CCDC171: variants seen among roughly 807,000 people sequenced by gnomAD.
CCDC171 encodes the protein coiled-coil domain containing 171.
CCDC171 carries 177 observed loss-of-function variants against 168.2 expected under a neutral mutation model. That is an observed-to-expected ratio of 1.05 (90% CI 0.93 to 1.19). The LOEUF is 1.19. Ranked by LOEUF, CCDC171 falls within the 50% of genes most tolerant of loss-of-function variation. The probability of loss-of-function intolerance (pLI) is 0.00; values close to 1 mark genes in which losing one functional copy is unlikely to be tolerated. For synonymous variants in CCDC171, 687 were observed against 540.8 expected (o/e 1.27, Z -3.75); for missense variants, 1,991 against 1,539.0 (o/e 1.29, Z -4.91).
In CCDC171 at chr9:15,779,168, A is replaced by T; in HGVS notation, c.3081+18A>T. On this transcript the variant is annotated intron_variant, in intron 20 of 25. Coordinates refer to ENST00000380701, the MANE Select transcript of CCDC171 (RefSeq NM_173550.4). ...AGCAGTCTGTAAGTATATATCATTT[A>T]GGAAACTGTTGCTTTGCTGATATAT... The T allele has an allele frequency of 5.6e-6, 8 of 1,416,930 alleles. No homozygotes were observed. Among genetic ancestry groups the T allele is most frequent in the Non-Finnish European group, 6.6e-6 (7 of 1,066,178 alleles). The allele number at this position is 1,416,930 out of a possible 1,614,324, so 87.8% of individuals were successfully genotyped here.
intron 24 of CCDC171, among the ~76,000 whole-genome samples, chr9:15,908,161 A>G (rs1177834350): frequency 2.0e-5 from 3 of 151,914 alleles, no homozygotes; most frequent in Admixed American, 2.0e-4. Flanking sequence ...CTGGGTATAT[A>G]CCCAAAGGAC....
chr9:15,879,125 TA>T (rs1228330047), intron 24 of CCDC171, among the ~76,000 whole-genome samples: 1 of 151,946 alleles, frequency 6.6e-6, no homozygotes, highest in Non-Finnish European at 1.5e-5. Context: ...AAATAAAAGT[TA>T]AAAAAAATCA....
intron 4 of CCDC171, chr9:15,588,625 A>G: frequency 3.5e-6 from 1 of 281,700 alleles, no homozygotes; most frequent in Non-Finnish European, 7.4e-6. Context: ...AAATGTGTGC[A>G]TTTTTGATAA....
At chr9:15,717,444 G>A (rs1178056766) in intron 11 of CCDC171, among the ~76,000 whole-genome samples, 1 of 152,192 alleles carries the variant, frequency 6.6e-6, no homozygotes, top group Non-Finnish European at 1.5e-5. Flanking sequence ...TCCTAGTGCT[G>A]TGCTGGGCTC....
chr9:16,041,092 G>T (rs1017689574), upstream of CCDC171, among the ~76,000 whole-genome samples: 2 of 152,188 alleles, frequency 1.3e-5, no homozygotes, highest in Admixed American at 1.3e-4. Flanking sequence ...GACAAGGAAA[G>T]ATGTTTAATG....
chr9:15,754,633 A>G (rs10810440), intron 18 of CCDC171, among the ~76,000 whole-genome samples: 69,702 of 151,996 alleles, frequency 0.46, 16,313 homozygotes, highest in Non-Finnish European at 0.5. Context: ...AGGGTTAAGC[A>G]GGAATTCTGC....
intron 3 of CCDC171, among the ~76,000 whole-genome samples, chr9:15,989,517 G>C (rs114749408): frequency 0.076 from 11,619 of 151,978 alleles, 1,462 homozygotes; most frequent in African/African-American, 0.27. Flanking sequence ...AAAATCCGAG[G>C]GCCTCTCCCC....
At chr9:15,714,560 T>C (rs2052931032) in intron 11 of CCDC171, among the ~76,000 whole-genome samples, 1 of 145,330 alleles carries the variant, frequency 6.9e-6, no homozygotes, top group Non-Finnish European at 1.5e-5. Flanking sequence ...AGATCCAGTG[T>C]CCAGTTATCC....
intron 2 of CCDC171, among the ~76,000 whole-genome samples, chr9:15,568,370 A>G (rs1481185328): frequency 6.9e-6 from 1 of 144,510 alleles, no homozygotes; most frequent in Non-Finnish European, 1.5e-5. Flanking sequence ...TCCCGGGCTT[A>G]GGCCATTCTC....
chr9:15,970,883 A>T (rs550426338), intron 25 of CCDC171, among the ~76,000 whole-genome samples: 1 of 152,300 alleles, frequency 6.6e-6, no homozygotes, highest in Admixed American at 6.5e-5. Flanking sequence ...GGGTTGAAGA[A>T]CTACCAGTCG....
intron 11 of CCDC171, among the ~76,000 whole-genome samples, chr9:15,700,530 A>C (rs2051641441): frequency 6.6e-6 from 1 of 152,262 alleles, no homozygotes; most frequent in Non-Finnish European, 1.5e-5. Flanking sequence ...AGTGCCGCCA[A>C]GGTTCGAGCC....
chr9:16,041,380 G>T (rs1162639081), upstream of CCDC171, among the ~76,000 whole-genome samples: 1 of 152,228 alleles, frequency 6.6e-6, no homozygotes, highest in Non-Finnish European at 1.5e-5. Flanking sequence ...ATAATCTGGT[G>T]TCTAGAGCAA....
chr9:15,830,535 T>A (rs2060187758), intron 21 of CCDC171, among the ~76,000 whole-genome samples: 1 of 152,152 alleles, frequency 6.6e-6, no homozygotes, highest in African/African-American at 2.4e-5. Context: ...AAGTCCCTAA[T>A]AATAGGAAGT....
intron 3 of CCDC171, among the ~76,000 whole-genome samples, chr9:16,013,770 G>A (rs1832940473): frequency 6.6e-6 from 1 of 152,208 alleles, no homozygotes; most frequent in South Asian, 2.1e-4. Flanking sequence ...ACACTATACT[G>A]TAATCTATTA....
In CCDC171 at chr9:15,779,112, C is replaced by T. The variant is rs377045241; in HGVS notation, c.3043C>T (p.Gln1015Ter). The T allele has an allele frequency of 6.3e-7, 1 of 1,591,108 alleles. No individual in the cohort carries two copies. The highest frequency in any genetic ancestry group is 8.5e-7 in the Non-Finnish European group (1 of 1,171,218). Residue 1015 changes from glutamine to a stop codon, truncating the protein, a stop_gained, in exon 20 of 26, where the codon CAG becomes TAG. Coordinates refer to ENST00000380701, the MANE Select transcript of CCDC171 (RefSeq NM_173550.4). LOFTEE classifies it high-confidence loss of function. ...AATGAAAAAGGAGCTTGACAAAGCC[C>T]AGGGTCTGCAAATGCAATTAAATGA... Reference protein sequence around the residue: ...NEMKKELDKAQGLQMQLNEFK... With the variant: ...NEMKKELDKA
intron 24 of CCDC171, among the ~76,000 whole-genome samples, chr9:15,908,426 G>C (rs771744581): frequency 2.1e-5 from 3 of 145,516 alleles, no homozygotes; most frequent in Non-Finnish European, 4.5e-5. Flanking sequence ...AACACTGCAT[G>C]TTCTCACTCA....
downstream of CCDC171, among the ~76,000 whole-genome samples, chr9:15,978,745 T>C (rs1831696339): frequency 6.6e-6 from 1 of 152,222 alleles, no homozygotes; most frequent in African/African-American, 2.4e-5. Flanking sequence ...TATTAAAATA[T>C]AGTTCACGTA....
chr9:15,959,485 G>C (rs1314103876), intron 25 of CCDC171, among the ~76,000 whole-genome samples: 1 of 152,122 alleles, frequency 6.6e-6, no homozygotes, highest in African/African-American at 2.4e-5. Context: ...GAGATGACTT[G>C]TTTACAAAAA....
chr9:15,825,702 G>C (rs1180097056), intron 21 of CCDC171, among the ~76,000 whole-genome samples: 1 of 152,054 alleles, frequency 6.6e-6, no homozygotes, highest in Non-Finnish European at 1.5e-5. Flanking sequence ...TTTTTTTAAA[G>C]AAGAAAATTG....
Sources: gnomAD v4.1 joint callset for allele counts (sites outside exome capture counted in the v4.1 genomes callset) on GRCh38, gnomAD v4.1.1 for gene constraint, MANE v1.5 for transcripts, NCBI Gene and HGNC (gene_info 2026-07-23, HGNC 2026-07-21) for gene names.